The following RYR3 variants were observed in gnomAD, a reference collection of about 807,000 sequenced individuals.
RYR3 encodes brain ryanodine receptor-calcium release channel.
RYR3 carries 207 observed loss-of-function variants against 584.3 expected under a neutral mutation model. That is an observed-to-expected ratio of 0.35 (90% CI 0.32 to 0.40). The LOEUF (loss-of-function observed/expected upper bound fraction) is 0.40. RYR3 is among the 10% of genes least tolerant of loss of function. The pLI, the probability that RYR3 is intolerant of heterozygous loss-of-function variation, is 1.00. For missense variants in RYR3, 5,616 were observed against 6,089.2 expected (o/e 0.92, Z 2.59); for synonymous variants, 2,416 against 2,248.5 (o/e 1.07, Z -2.11).
chr15:33,826,267 G>C lies in RYR3; in HGVS notation c.11162G>C (p.Arg3721Pro), dbSNP rs765197731. ...TCATTACCAGTCATTGTTCGGGAAC[G>C]TGGTAAGTTTCAGTTTCTGGCCTGA... ...TEEGTLIVRERGEKVLQNDEF... is the reference protein window; with the variant it reads ...TEEGTLIVREPGEKVLQNDEF... Residue 3721 changes from arginine (R) to proline (P), a missense_variant and splice_region_variant, in exon 83 of 104, where the codon CGT becomes CCT. By Grantham distance (103) the Arg-to-Pro change is moderately radical (BLOSUM62 -2). Transcript: ENST00000634891. The C allele has an allele frequency of 6.2e-7, 1 of 1,613,772 alleles. No homozygotes were observed. The highest frequency in any genetic ancestry group is 8.5e-7 in the Non-Finnish European group (1 of 1,179,716).
chr15:33,821,640 GT>G, intron 80 of RYR3, 38 bp downstream of exon 80: 1 of 1,595,568 alleles, frequency 6.3e-7, no homozygotes, highest in Non-Finnish European at 8.6e-7. Flanking sequence ...GGCTCCCGGG[GT>G]ATTCCCATTT....
chr15:33,640,055 A>T (rs1239550643), intron 27 of RYR3, among the ~76,000 whole-genome samples: 1 of 148,914 alleles, frequency 6.7e-6, no homozygotes, highest in Non-Finnish European at 1.5e-5. Context: ...CCTGAGGGAC[A>T]TGCTGCCTCT....
chr15:33,461,629 G>A (rs1408705223), intron 1 of RYR3, among the ~76,000 whole-genome samples: 2 of 152,136 alleles, frequency 1.3e-5, no homozygotes, highest in Non-Finnish European at 2.9e-5. Flanking sequence ...GGTGAGAGGG[G>A]AATTAAATAA....
chr15:33,518,655 G>C (rs1030495776), intron 3 of RYR3, among the ~76,000 whole-genome samples: 3 of 152,184 alleles, frequency 2.0e-5, no homozygotes, highest in Admixed American at 6.5e-5. Context: ...GATGGTGCTC[G>C]CTCTGTCCGG....
intron 86 of RYR3, among the ~76,000 whole-genome samples, chr15:33,834,481 T>C (rs950158247): frequency 1.3e-5 from 2 of 152,064 alleles, no homozygotes; most frequent in African/African-American, 2.4e-5. Context: ...CTTTTCTTTT[T>C]TTTTTTTTTA....
intron 42 of RYR3, among the ~76,000 whole-genome samples, chr15:33,704,589 C>T (rs1263540794): frequency 6.6e-6 from 1 of 152,224 alleles, no homozygotes; most frequent in East Asian, 1.9e-4. Flanking sequence ...GTTATTCGTA[C>T]ATTTAGATGA....
chr15:33,631,880 C>T (rs2061283602), intron 23 of RYR3, among the ~76,000 whole-genome samples: 1 of 152,242 alleles, frequency 6.6e-6, no homozygotes, highest in South Asian at 2.1e-4. Flanking sequence ...GTCATCATTA[C>T]TTAGGAGCCA....
Position 33,630,013 on chromosome 15 carries a change from A to G in RYR3, c.2753A>G (p.Tyr918Cys), listed in dbSNP as rs1372256555. 5 of 1,603,450 alleles carry G rather than the reference A, an allele frequency of 3.1e-6. No homozygotes were observed. The highest frequency in any genetic ancestry group is 3.4e-6 in the Non-Finnish European group (4 of 1,174,368). ...AAGCTCCCAGAAACTGAGAAGAACT[A>G]TAACCTGCAAATGTCAACTGAAACC... Reference protein sequence around the residue: ...FSKLPETEKNYNLQMSTETLK... With the variant: ...FSKLPETEKNCNLQMSTETLK... Residue 918 changes from tyrosine (Y) to cysteine (C), a missense_variant, in exon 22 of 104, where the codon TAT becomes TGT. This residue lies in a region of RYR3 where 1,284 missense variants were observed against 1,344.6 expected (regional missense o/e 0.95). Transcript: ENST00000634891.
rs747480589 is a variant in RYR3, at chr15:33,613,239, G to T, written c.2221G>T (p.Val741Leu). The part of the protein sequence containing the change: ...INQHLLRSDD[V>L]VSCCLDLGVP... ...CCAGCACCTCCTGAGATCGGATGAC[G>T]TGGTAAGCTGCTGCCTGGACCTCGG... Residue 741 changes from valine to leucine, a missense_variant, in exon 19 of 104, where the codon GTG becomes TTG. This residue lies in a region of RYR3 where 1,284 missense variants were observed against 1,344.6 expected (regional missense o/e 0.95). Coordinates refer to ENST00000634891, the MANE Select transcript of RYR3 (RefSeq NM_001036.6). 6.2e-7 allele frequency: 1 copy of T among 1,613,924 alleles called. No homozygotes were observed. The highest frequency in any genetic ancestry group is 8.5e-7 in the Non-Finnish European group (1 of 1,179,830).
At chr15:33,830,317 C>A (rs2077600914) in intron 85 of RYR3, among the ~76,000 whole-genome samples, 1 of 152,192 alleles carries the variant, frequency 6.6e-6, no homozygotes, top group African/African-American at 2.4e-5. Flanking sequence ...AGACCTTTCA[C>A]CAGCAAAAAG....
At chr15:33,592,785 G>A (rs2059194781) in intron 16 of RYR3, among the ~76,000 whole-genome samples, 1 of 152,186 alleles carries the variant, frequency 6.6e-6, no homozygotes, top group South Asian at 2.1e-4. Flanking sequence ...CAAAGAACCT[G>A]TGAACCCAGA....
intron 20 of RYR3, among the ~76,000 whole-genome samples, chr15:33,625,611 G>A (rs2060945596): frequency 6.6e-6 from 1 of 152,188 alleles, no homozygotes; most frequent in Admixed American, 6.5e-5. Flanking sequence ...ACCTGGTATG[G>A]AGTTCACAAA....
In RYR3 at chr15:33,857,845, C is replaced by G; in HGVS notation, c.14073C>G (p.Phe4691Leu). 1 of 1,614,192 alleles carries G rather than the reference C, an allele frequency of 6.2e-7. No individual in the cohort carries two copies. The highest frequency in any genetic ancestry group is 8.5e-7 in the Non-Finnish European group (1 of 1,180,036). Residue 4691 changes from phenylalanine to leucine, a missense_variant, in exon 99 of 104, where the codon TTC becomes TTG. Phe to Leu is a conservative substitution (Grantham distance 22, BLOSUM62 0). This residue lies in a region of RYR3 where 918 missense variants were observed against 887.4 expected (regional missense o/e 1.03). Coordinates refer to ENST00000634891, the MANE Select transcript of RYR3 (RefSeq NM_001036.6). The stretch of plus-strand genomic sequence containing the variant: ...TCTATACTGTGGTGGCTTTCAACTT[C>G]TTCCGCAAGTTCTACAACAAAAGCG... Reference protein sequence around the residue: ...VYLYTVVAFNFFRKFYNKSED... With the variant: ...VYLYTVVAFNLFRKFYNKSED...
rs1338750576 is a variant in RYR3 at position 33,632,980 on chromosome 15, C to T, written c.2899C>T (p.Pro967Ser). The change falls in exon 24 of 104, where the codon CCT becomes TCT. Residue 967 changes from proline (P) to serine (S), a missense_variant. Pro to Ser is a moderately conservative substitution (Grantham distance 74). This residue lies in a region of RYR3 where 1,284 missense variants were observed against 1,344.6 expected (regional missense o/e 0.95). Coordinates refer to ENST00000634891, the MANE Select transcript of RYR3 (RefSeq NM_001036.6). The part of the protein sequence containing the change: ...YMMSNGYKPA[P>S]LDLSDVKLLP... Reference sequence around the variant, plus strand: ...GATGTCCAACGGCTATAAGCCAGCCCCTTTGGATTTGTCTGATGTGAAGCT... The same window carrying T: ...GATGTCCAACGGCTATAAGCCAGCCTCTTTGGATTTGTCTGATGTGAAGCT... 1.9e-6 allele frequency: 3 copies of T among 1,613,718 alleles called. No individual in the cohort carries two copies. Among genetic ancestry groups the T allele is most frequent in the African/African-American group, 2.7e-5 (2 of 74,910 alleles).
intron 12 of RYR3, among the ~76,000 whole-genome samples, chr15:33,570,482 G>A (rs1579583): frequency 0.87 from 132,235 of 152,108 alleles, 58,227 homozygotes; most frequent in Middle Eastern, 0.98. Context: ...TAATTAATGT[G>A]CCTTTATAGT....
chr15:33,838,791 G>A lies in RYR3; in HGVS notation c.12811G>A (p.Glu4271Lys). Residue 4271 changes from glutamate (E) to lysine (K), a missense_variant, in exon 89 of 104, where the codon GAG becomes AAG. Physicochemically the swap from Glu to Lys is moderately conservative, Grantham distance 56. Around this residue, in one of 9 missense-constraint regions of RYR3, gnomAD observed 918 missense variants for 887.4 expected, o/e 1.03. Coordinates refer to ENST00000634891, the MANE Select transcript of RYR3 (RefSeq NM_001036.6). ...TGAACTAGTACACTTCATAAAGGGG[G>A]AGAAGGGAGATACAGATATCATGTC... is the stretch of plus-strand genomic sequence containing the variant. ...TTELVHFIKG[E>K]KGDTDIMSDL... The A allele has an allele frequency of 3.1e-6, 5 of 1,613,942 alleles. No individual in the cohort carries two copies. Among genetic ancestry groups the A allele is most frequent in the Non-Finnish European group, 4.2e-6 (5 of 1,179,868 alleles).
intron 13 of RYR3, 30 bp downstream of exon 13, chr15:33,580,174 A>C (rs1209215543): frequency 3.3e-6 from 5 of 1,534,744 alleles, no homozygotes; most frequent in African/African-American, 1.4e-5. Context: ...GTTGAAATTC[A>C]CTTAGTGTCC....
intron 10 of RYR3, among the ~76,000 whole-genome samples, chr15:33,555,782 A>T (rs1016787842): frequency 6.6e-6 from 1 of 152,204 alleles, no homozygotes; most frequent in Non-Finnish European, 1.5e-5. Context: ...CAGTACAGTG[A>T]CTTCTGCTGA....
intron 1 of RYR3, among the ~76,000 whole-genome samples, chr15:33,377,274 C>T (rs956144904): frequency 4.6e-5 from 7 of 152,204 alleles, no homozygotes; most frequent in Admixed American, 3.3e-4. Context: ...GGTGGCTCTT[C>T]TGGGCAGCTC....
Sources: allele counts gnomAD v4.1 joint callset (sites outside exome capture counted in the v4.1 genomes callset), GRCh38; gene constraint gnomAD v4.1.1; regional missense constraint gnomAD v4.1.1; transcripts MANE v1.5; gene names NCBI Gene and HGNC (gene_info 2026-07-23, HGNC 2026-07-21).